MGAM2: variants seen among roughly 807,000 people sequenced by gnomAD.
The protein encoded by MGAM2 is maltase-glucoamylase 2 (putative), also known as probable maltase-glucoamylase 2.
MGAM2 carries 98 observed loss-of-function variants against 96.1 expected under a neutral mutation model. The observed-to-expected ratio is 1.02, with a 90% confidence interval of 0.87 to 1.21. MGAM2 has a LOEUF of 1.21. Among genes scored for constraint, MGAM2 ranks in the 50% most tolerant of loss-of-function variants. The pLI is 0.00. For missense variants in MGAM2, 2,055 were observed against 1,182.4 expected, an observed-to-expected ratio of 1.74 and a Z score of -10.82; for synonymous variants, 749 against 414.8, an observed-to-expected ratio of 1.81 and a Z score of -9.79.
At chr7:142,118,420 G>A (rs1166878544) in intron 2 of MGAM2, among the ~76,000 whole-genome samples, 1 of 152,156 alleles carries the variant, frequency 6.6e-6, no homozygotes, top group Non-Finnish European at 1.5e-5. Flanking sequence ...GATAGTGATA[G>A]TGAATATATT....
chr7:142,147,412 A>T lies in MGAM2; in HGVS notation c.1517-44A>T, dbSNP rs140171177. The T allele has an allele frequency of 7.4e-6, 5 of 676,922 alleles. No homozygotes were observed. The African/African-American group carries it at 8.9e-5, about 12-fold the overall frequency. The allele number at this position is 676,922 out of a possible 1,614,324, so 41.9% of individuals were successfully genotyped here. A position where few individuals can be genotyped will look rare whatever the true frequency, so the allele number is the denominator to read the frequency against. The stretch of plus-strand genomic sequence containing the variant: ...TAGTTGGGCCGCTAATTTGTTAAAG[A>T]TGGTTAATGAGGAAGTGCCTCACTA... On this transcript the variant is annotated intron_variant, in intron 14 of 47. Transcript: ENST00000477922.
At chr7:142,185,249 A>T in intron 34 of MGAM2, 110 bp downstream of exon 34, 1 of 603,470 alleles carries the variant, frequency 1.7e-6, no homozygotes. Context: ...CCCTAACTTG[A>T]GGGTGCTTAT....
chr7:142,114,134 A>AAAGAAAGAAAGAAAG (rs1817273224), intron 1 of MGAM2, among the ~76,000 whole-genome samples: 1 of 110,646 alleles, frequency 9.0e-6, no homozygotes, highest in East Asian at 2.4e-4. Context: ...CCATCTCAAA[A>AAAGAAAGAAAGAAAG]AAAGAAAGAA....
At position 142,196,228 on chromosome 7, in the gene MGAM2, G is replaced by A. The variant is rs561493278; in HGVS notation, c.4421G>A (p.Gly1474Glu). ...RSTFPSSGRW[G>E]GHRLGNNTAA... is the part of the protein sequence containing the mutation. ...ACATTTCCCTCTTCTGGACGCTGGGGAGGACACCGGTTGGGAAACAACACA... is the reference window on the plus strand; with the variant it reads ...ACATTTCCCTCTTCTGGACGCTGGGAAGGACACCGGTTGGGAAACAACACA... The change falls in exon 38 of 48, where the codon GGA becomes GAA. Residue 1474 changes from glycine (G) to glutamate (E), a missense_variant. Transcript: ENST00000477922. The A allele has an allele frequency of 3.4e-5, 34 of 1,008,130 alleles. No individual in the cohort carries two copies. Among genetic ancestry groups the A allele is most frequent in the Non-Finnish European group, 5.2e-5 (34 of 649,836 alleles). The allele number at this position is 1,008,130 out of a possible 1,614,324, so 62.4% of individuals were successfully genotyped here.
At chr7:142,174,652 C>T (rs539444410) in intron 31 of MGAM2, among the ~76,000 whole-genome samples, 15 of 149,692 alleles carry the variant, frequency 1.0e-4, no homozygotes, top group Non-Finnish European at 7.4e-5. Flanking sequence ...ATGTCATCTG[C>T]GAATATGAAT....
chr7:142,128,682 C>T (rs1176884682), intron 3 of MGAM2, among the ~76,000 whole-genome samples: 2 of 152,196 alleles, frequency 1.3e-5, no homozygotes, highest in African/African-American at 4.8e-5. Flanking sequence ...GCTGCTTCTA[C>T]ATGTTGTTGA....
At chr7:142,198,258 G>C (rs1009289219) in intron 43 of MGAM2, 63 bp downstream of exon 43, 6 of 670,668 alleles carry the variant, frequency 8.9e-6, no homozygotes, top group Admixed American at 6.7e-5. Flanking sequence ...GGTGGATAGA[G>C]CCTTCTATTT....
chr7:142,185,223 C>A, intron 34 of MGAM2, 84 bp downstream of exon 34: 1 of 669,922 alleles, frequency 1.5e-6, no homozygotes, highest in Admixed American at 2.1e-5. Flanking sequence ...AAGTAGCTAA[C>A]CCTTCAGTTA....
chr7:142,149,579 C>G (rs189401872), intron 15 of MGAM2, among the ~76,000 whole-genome samples: 8 of 151,262 alleles, frequency 5.3e-5, no homozygotes, highest in Non-Finnish European at 8.8e-5. Flanking sequence ...CTCGCTCTGT[C>G]GCCCAGGCTG....
At chr7:142,157,894 T>C (rs547571708) in intron 17 of MGAM2, 43 bp from the exon 18 acceptor site, 10 of 698,374 alleles carry the variant, frequency 1.4e-5, no homozygotes, top group Middle Eastern at 2.3e-4. Context: ...TTCTGAACTA[T>C]GATGGAAAGA....
At chr7:142,140,598 G>C (rs1046071058) in intron 10 of MGAM2, among the ~76,000 whole-genome samples, 7 of 152,154 alleles carry the variant, frequency 4.6e-5, no homozygotes, top group African/African-American at 1.7e-4. Flanking sequence ...CACCTGTCAG[G>C]ACAAGGAGGT....
chr7:142,207,078 A>ATGT (rs1384724879), intron 45 of MGAM2, among the ~76,000 whole-genome samples: 2 of 152,240 alleles, frequency 1.3e-5, no homozygotes, highest in Non-Finnish European at 2.9e-5. Flanking sequence ...GGGAGAGAAT[A>ATGT]TGTTGGAATA....
rs1202628296 is a variant in MGAM2, at chr7:142,166,122, G to A, written c.2677G>A (p.Gly893Arg). Residue 893 changes from glycine (G) to arginine (R), a missense_variant, in exon 25 of 48, where the codon GGA (glycine) becomes AGA (arginine). By Grantham distance (125) the Gly-to-Arg change is moderately radical. Coordinates refer to ENST00000477922, the MANE Select transcript of MGAM2 (RefSeq NM_001293626.2). The part of the protein sequence containing the change: ...TKVVTITDLQ[G>R]LVLGQEFSIR... ...GGTGGTAACCATCACTGATCTCCAAGGACTGGTACTGGGACAAGAATTCTC... is the reference window on the plus strand; with the variant it reads ...GGTGGTAACCATCACTGATCTCCAAAGACTGGTACTGGGACAAGAATTCTC... 2 of 699,908 alleles carry A rather than the reference G, an allele frequency of 2.9e-6. No homozygotes were observed. Among genetic ancestry groups the A allele is most frequent in the Non-Finnish European group, 2.6e-6 (1 of 383,616 alleles). 43.4% of individuals were successfully genotyped at this position (699,908 alleles called of 1,614,324 possible).
chr7:142,154,430 T>C (rs959804504), intron 16 of MGAM2, among the ~76,000 whole-genome samples: 2 of 152,202 alleles, frequency 1.3e-5, no homozygotes, highest in African/African-American at 4.8e-5. Context: ...ATAAAATGTA[T>C]TAGTATCACA....
chr7:142,222,042 G>A lies in MGAM2; in HGVS notation c.7531G>A (p.Ala2511Thr). 1 of 398,232 alleles carries A rather than the reference G, an allele frequency of 2.5e-6. No individual in the cohort carries two copies. The highest frequency in any genetic ancestry group is 6.3e-4 in the Middle Eastern group (1 of 1,588). The allele number at this position is 398,232 out of a possible 1,614,324, so 24.7% of individuals were successfully genotyped here. Residue 2511 changes from alanine to threonine, a missense_variant, in exon 48 of 48, where the codon GCT becomes ACT. Transcript: ENST00000477922. ...TACTTATATTGCAAATGCCATAAATGCTACTCAAGTTCCATGATTACTACT... is the reference window on the plus strand; with the variant it reads ...TACTTATATTGCAAATGCCATAAATACTACTCAAGTTCCATGATTACTACT... ...APTYIANAIN[A>T]TQVP is the part of the protein sequence containing the mutation.
In MGAM2 at chr7:142,197,522, C is replaced by G. The variant is rs1306268598; in HGVS notation, c.4755C>G (p.Ser1585Arg). The G allele has an allele frequency of 1.4e-6, 1 of 703,162 alleles. No homozygotes were observed. The highest frequency in any genetic ancestry group is 1.5e-5 in the South Asian group (1 of 67,602). The allele number at this position is 703,162 out of a possible 1,614,324, so 43.6% of individuals were successfully genotyped here. ...TLMHKAHVEGSTVVRPLLHEF... is the reference protein window; with the variant it reads ...TLMHKAHVEGRTVVRPLLHEF... ...TGCATAAAGCTCACGTTGAGGGCAG[C>G]ACAGTTGTCCGGCCCCTTCTCCATG... Residue 1585 changes from serine to arginine, a missense_variant, in exon 41 of 48, where the codon AGC becomes AGG. Ser to Arg is a moderately radical substitution (Grantham distance 110). Transcript: ENST00000477922.
chr7:142,189,522 C>T lies in MGAM2; in HGVS notation c.4346+17C>T. On this transcript the variant is annotated intron_variant, in intron 37 of 47. Transcript: ENST00000477922. ...CACATACGAGTGAGTGTCTTTTTGTCACAGCAGCAAAGATAATTTTCCACA... is the reference window on the plus strand; with the variant it reads ...CACATACGAGTGAGTGTCTTTTTGTTACAGCAGCAAAGATAATTTTCCACA... 1.4e-6 allele frequency: 1 copy of T among 729,138 alleles called. No individual in the cohort carries two copies. The highest frequency in any genetic ancestry group is 2.4e-6 in the Non-Finnish European group (1 of 417,898). 45.2% of individuals were successfully genotyped at this position (729,138 alleles called of 1,614,324 possible).
chr7:142,144,587 T>C (rs763393011), intron 13 of MGAM2, among the ~76,000 whole-genome samples: 1 of 152,234 alleles, frequency 6.6e-6, no homozygotes, highest in Non-Finnish European at 1.5e-5. Context: ...ATGGTATTTC[T>C]GAATTAGCTG....
chr7:142,176,684 T>C (rs558138647), intron 32 of MGAM2, among the ~76,000 whole-genome samples: 1 of 150,828 alleles, frequency 6.6e-6, no homozygotes, highest in South Asian at 2.1e-4. Context: ...AATAGACAGA[T>C]TGGGACACAG....
Sources: gnomAD v4.1 joint callset for allele counts (sites outside exome capture counted in the v4.1 genomes callset) on GRCh38, gnomAD v4.1.1 for gene constraint, MANE v1.5 for transcripts, NCBI Gene and HGNC (gene_info 2026-07-23, HGNC 2026-07-21) for gene names.